The following ANKRD11 variants were observed in gnomAD, a reference collection of about 807,000 sequenced individuals.
The protein encoded by ANKRD11 is ankyrin repeat domain-containing protein 11.
A neutral mutation model predicts 195.7 loss-of-function variants in ANKRD11; 17 were observed. The observed-to-expected ratio is 0.09, with a 90% confidence interval of 0.06 to 0.13. The LOEUF (loss-of-function observed/expected upper bound fraction) is 0.13. ANKRD11 is among the 10% of genes least tolerant of loss of function. The pLI, the probability that ANKRD11 is intolerant of heterozygous loss-of-function variation, is 1.00. For synonymous variants in ANKRD11, 1,953 were observed against 1,528.1 expected, an observed-to-expected ratio of 1.28 and a Z score of -6.49; for missense variants, 3,735 against 3,566.1, an observed-to-expected ratio of 1.05 and a Z score of -1.21.
chr16:89,279,765 C>T lies in ANKRD11; in HGVS notation c.6777G>A (p.Glu2259=). Residue 2259 remains glutamate, a synonymous_variant, in exon 9 of 13, where the codon GAG becomes GAA. Coordinates refer to ENST00000301030, the MANE Select transcript of ANKRD11 (RefSeq NM_013275.6). The surrounding 1 kb of genome is among the most constrained non-coding windows in gnomAD (Gnocchi z 5.6). ...RPLGSGDQGA[E]AEGPPAASLC... ...GGGACGCGGCGGGGGGGCCTTCAGC[C>T]TCAGCCCCCTGGTCTCCGCTCCCCA... 6.6e-7 allele frequency: 1 copy of T among 1,525,864 alleles called. No individual in the cohort carries two copies. The highest frequency in any genetic ancestry group is 1.4e-5 in the African/African-American group (1 of 72,916). The allele number at this position is 1,525,864 out of a possible 1,614,324, so 94.5% of individuals were successfully genotyped here. A position where few individuals can be genotyped will look rare whatever the true frequency, so the allele number is the denominator to read the frequency against.
rs140280967 is a variant in ANKRD11, at chr16:89,324,278, G to T, written c.-59-7200C>A. On this transcript the variant is annotated intron_variant, in intron 2 of 12. Coordinates refer to ENST00000301030, the MANE Select transcript of ANKRD11 (RefSeq NM_013275.6). ...GGGCTGTGGAACATACAGGAGCCCC[G>T]TGCTCCGGAACACGGACCACCCGAC... 8.7e-4 allele frequency: 1,084 copies of T among 1,248,168 alleles called. 11 individuals are homozygous for T. The African/African-American group carries it at 0.015, about 18-fold the overall frequency. The allele number at this position is 1,248,168 out of a possible 1,614,324, so 77.3% of individuals were successfully genotyped here.
chr16:89,353,810 T>C (rs1419116017), intron 2 of ANKRD11, among the ~76,000 whole-genome samples: 3 of 152,172 alleles, frequency 2.0e-5, no homozygotes, highest in Admixed American at 1.3e-4. Context: ...CATAATGTTT[T>C]TCATGATCAA....
intron 3 of ANKRD11, among the ~76,000 whole-genome samples, chr16:89,309,738 A>G (rs2036506823): frequency 6.6e-6 from 1 of 152,212 alleles, no homozygotes; most frequent in South Asian, 2.1e-4. Context: ...TCACCAGCAC[A>G]AGAGGACTGT....
chr16:89,408,569 G>A (rs114893622), intron 2 of ANKRD11, among the ~76,000 whole-genome samples: 1,627 of 152,244 alleles, frequency 0.011, 36 homozygotes, highest in African/African-American at 0.036. Context: ...GCTGACGAGC[G>A]TGAGCACTGC....
rs746078253 is a variant in ANKRD11, at chr16:89,280,472, GGGCAGGAGA to G, written c.6061_6069del (p.Ser2021_Ala2023del). 6 of 1,604,508 alleles carry G rather than the reference GGGCAGGAGA, an allele frequency of 3.7e-6. No individual in the cohort carries two copies. Among genetic ancestry groups the G allele is most frequent in the South Asian group, 2.2e-5 (2 of 90,482 alleles). On this transcript the variant is annotated inframe_deletion, in exon 9 of 13. Coordinates refer to ENST00000301030, the MANE Select transcript of ANKRD11 (RefSeq NM_013275.6). ...GGCTCAGCGACGGGCAGAGCGTACG[GGGCAGGAGA>G]GGCGGGAGGGGCGGGGTACGGCGCC...
At chr16:89,361,082 A>C (rs2039709574) in intron 2 of ANKRD11, among the ~76,000 whole-genome samples, 1 of 152,090 alleles carries the variant, frequency 6.6e-6, no homozygotes, top group African/African-American at 2.4e-5. Flanking sequence ...CTGCAATGGC[A>C]CCTCCTACTC....
intron 1 of ANKRD11, among the ~76,000 whole-genome samples, chr16:89,478,147 C>T (rs777109066): frequency 2.0e-5 from 3 of 152,154 alleles, no homozygotes; most frequent in Non-Finnish European, 4.4e-5. Flanking sequence ...CAGTTCCCAA[C>T]GTTGTTGTCA....
Position 89,286,026 on chromosome 16 carries a change from G to A in ANKRD11, c.892+13C>T. ...GCATAAAAGAACAGGCAGCTCAGGT[G>A]GCCGTGACTTACCCGTCGAGCTCTC... is the stretch of plus-strand genomic sequence containing the variant. On this transcript the variant is annotated intron_variant, in intron 8 of 12. Coordinates refer to ENST00000301030, the MANE Select transcript of ANKRD11 (RefSeq NM_013275.6). 2 of 1,614,168 alleles carry A rather than the reference G, an allele frequency of 1.2e-6. No homozygotes were observed. Among genetic ancestry groups the A allele is most frequent in the Non-Finnish European group, 1.7e-6 (2 of 1,180,038 alleles).
intron 2 of ANKRD11, among the ~76,000 whole-genome samples, chr16:89,407,481 C>T (rs969109018): frequency 2.0e-5 from 3 of 152,144 alleles, no homozygotes; most frequent in African/African-American, 4.8e-5. Flanking sequence ...GAACCACGTT[C>T]GCCTCGTCAG....
rs943142098 is a variant in ANKRD11, at chr16:89,288,798, G to A, written c.602-128C>T. On this transcript the variant is annotated intron_variant, in intron 6 of 12. Coordinates refer to ENST00000301030, the MANE Select transcript of ANKRD11 (RefSeq NM_013275.6). ...AGGTGGGGAGCTGCCCTGTAGTGAG[G>A]GCTGCAGTTTAGGGAAGCAGGTGCT... The A allele has an allele frequency of 6.6e-6, 9 of 1,354,628 alleles. No individual in the cohort carries two copies. In the African/African-American group the frequency reaches 1.3e-4, roughly 19 times the overall value. 83.9% of individuals were successfully genotyped at this position (1,354,628 alleles called of 1,614,324 possible).
intron 6 of ANKRD11, among the ~76,000 whole-genome samples, chr16:89,289,757 T>C (rs983889712): frequency 3.9e-5 from 6 of 152,230 alleles, no homozygotes; most frequent in African/African-American, 1.2e-4. Context: ...CTCTTACAGA[T>C]AGGCCAGGCA....
chr16:89,474,980 G>A (rs1388249467), intron 1 of ANKRD11, among the ~76,000 whole-genome samples: 1 of 152,160 alleles, frequency 6.6e-6, no homozygotes, highest in East Asian at 1.9e-4. Context: ...CTTTGTGCAG[G>A]GCCACCCCTG....
At chr16:89,335,892 C>T (rs143177761) in intron 2 of ANKRD11, among the ~76,000 whole-genome samples, 2 of 152,312 alleles carry the variant, frequency 1.3e-5, no homozygotes, top group East Asian at 1.9e-4. Context: ...GATCCCCACA[C>T]GCCAGCAGCT....
chr16:89,280,553 C>G lies in ANKRD11; in HGVS notation c.5989G>C (p.Ala1997Pro). ...GGGGCGGCAGAGTGGAGGGGGTCCG[C>G]GGGGCAGAAACGCTTTGGGGACTCG... ...FPESPKRFCP[A>P]DPLHSAAPGP... Residue 1997 changes from alanine (A) to proline (P), a missense_variant, in exon 9 of 13, where the codon GCG (alanine) becomes CCG (proline). By Grantham distance (27) the Ala-to-Pro change is conservative (BLOSUM62 -1). Transcript: ENST00000301030. 1 of 1,612,866 alleles carries G rather than the reference C, an allele frequency of 6.2e-7. No individual in the cohort carries two copies. The highest frequency in any genetic ancestry group is 8.5e-7 in the Non-Finnish European group (1 of 1,179,868).
In ANKRD11 at chr16:89,271,044, A is replaced by G. The variant is rs1203728811; in HGVS notation, c.7714-135T>C. 37 of 794,404 alleles carry G rather than the reference A, an allele frequency of 4.7e-5. 1 individual carries two copies. The East Asian group carries it at 9.4e-4, about 20-fold the overall frequency. 49.2% of individuals were successfully genotyped at this position (794,404 alleles called of 1,614,324 possible). On this transcript the variant is annotated intron_variant, in intron 11 of 12. Coordinates refer to ENST00000301030, the MANE Select transcript of ANKRD11 (RefSeq NM_013275.6). ...GGGAGCCTCATTCCACCGCGCACAC[A>G]CTGAATCATGTTCAAGGCATGGCAG...
At position 89,452,900 on chromosome 16, in the gene ANKRD11, C is replaced by T. The variant is rs955005349; in HGVS notation, c.-144-34532G>A. Among the ~76,000 whole-genome samples the T allele has an allele frequency of 5.9e-5, 9 of 151,922 alleles. No homozygotes were observed. The East Asian group carries it at 7.7e-4, about 13-fold the overall frequency. On this transcript the variant is annotated intron_variant, in intron 1 of 12. Transcript: ENST00000301030. ...TGGTCTTCTTGAAAGAAACTGCACA[C>T]GCCCGCTTTTTCATACAATCACACA...
chr16:89,329,094 A>G (rs2037910915), intron 2 of ANKRD11: 1 of 152,988 alleles, frequency 6.5e-6, no homozygotes, highest in African/African-American at 2.4e-5. Flanking sequence ...TGAGTGCACA[A>G]AGCCCACCTC....
At chr16:89,346,831 C>T (rs1205205503) in intron 2 of ANKRD11, among the ~76,000 whole-genome samples, 1 of 152,126 alleles carries the variant, frequency 6.6e-6, no homozygotes, top group Admixed American at 6.5e-5. Context: ...AGAAGAAAAA[C>T]ATGAGAAATG....
At chr16:89,490,159 G>T (rs1388027983) in intron 1 of ANKRD11, 86 bp downstream of exon 1, 31 of 143,408 alleles carry the variant, frequency 2.2e-4, no homozygotes, top group African/African-American at 7.7e-4. Flanking sequence ...CAGCTCCGTC[G>T]CCGGGGAAGG....
Sources: allele counts gnomAD v4.1 joint callset (sites outside exome capture counted in the v4.1 genomes callset), GRCh38; gene constraint gnomAD v4.1.1; non-coding constraint Gnocchi (gnomAD v3.1); transcripts MANE v1.5; gene names NCBI Gene and HGNC (gene_info 2026-07-23, HGNC 2026-07-21).